Variants in LRRC7 observed in about 807,000 individuals in gnomAD.
LRRC7 encodes leucine-rich repeat-containing protein 7.
In LRRC7, 23 loss-of-function variants were observed where a neutral mutation model predicts 175.7. That is an observed-to-expected ratio of 0.13 (90% CI 0.09 to 0.19). LRRC7 has a LOEUF of 0.19. Among genes scored for constraint, LRRC7 ranks in the 10% least tolerant of loss-of-function variants. The pLI is 1.00. For missense variants in LRRC7, 1,354 were observed against 1,904.7 expected, an observed-to-expected ratio of 0.71 and a Z score of 5.38; for synonymous variants, 685 against 680.9, an observed-to-expected ratio of 1.01 and a Z score of -0.09.
intron 2 of LRRC7, among the ~76,000 whole-genome samples, chr1:69,712,726 T>A (rs1177302492): frequency 6.6e-6 from 1 of 152,220 alleles, no homozygotes; most frequent in Admixed American, 6.5e-5. Context: ...CACTAGTGAC[T>A]AAGTGCATTT....
intron 6 of LRRC7, among the ~76,000 whole-genome samples, chr1:69,835,453 TA>T (rs959664000): frequency 9.9e-5 from 15 of 151,670 alleles, no homozygotes; most frequent in East Asian, 3.9e-4. Flanking sequence ...GGGGAACACA[TA>T]AAAAAAGTCT....
At chr1:69,864,028 A>T (rs1213301481) in intron 7 of LRRC7, among the ~76,000 whole-genome samples, 1 of 152,002 alleles carries the variant, frequency 6.6e-6, no homozygotes, top group East Asian at 1.9e-4. Flanking sequence ...TCTGCCTGAT[A>T]CGTCTTTTTC....
intron 13 of LRRC7, among the ~76,000 whole-genome samples, chr1:70,013,336 T>C (rs923358473): frequency 6.6e-6 from 1 of 151,840 alleles, no homozygotes; most frequent in Admixed American, 6.6e-5. Flanking sequence ...CACACAAATT[T>C]ATATACAAAA....
At chr1:69,642,127 C>T (rs1311115740) in intron 1 of LRRC7, among the ~76,000 whole-genome samples, 4 of 151,648 alleles carry the variant, frequency 2.6e-5, no homozygotes, top group Non-Finnish European at 5.9e-5. Flanking sequence ...GTTTACAAGG[C>T]CTATTGCTAT....
In LRRC7 at chr1:69,891,983, A is replaced by G. The variant is rs956500398; in HGVS notation, c.648-39524A>G. Reference sequence around the variant, plus strand: ...CTGTATTCTCATCACAAAAAAAGAAAAAAAAAGTGAAGTGATGGGTATCTT... The same window carrying G: ...CTGTATTCTCATCACAAAAAAAGAAGAAAAAAGTGAAGTGATGGGTATCTT... On this transcript the variant is annotated intron_variant, in intron 7 of 26. Transcript: ENST00000651989. 9.0e-3 allele frequency among the ~76,000 whole-genome samples: 498 copies of G among 55,072 alleles called. 1 individual carries two copies. The highest frequency in any genetic ancestry group is 0.019 in the African/African-American group (449 of 23,554). The allele number at this position is 55,072 out of a possible 152,430, so 36.1% of individuals were successfully genotyped here.
chr1:69,693,370 A>G (rs1662144112), intron 2 of LRRC7, among the ~76,000 whole-genome samples: 1 of 152,202 alleles, frequency 6.6e-6, no homozygotes, highest in African/African-American at 2.4e-5. Context: ...TATAGAATGT[A>G]TGTGTATGTA....
At chr1:69,753,283 CGTGTGTGTGTGTAT>C (rs924433078) in intron 2 of LRRC7, among the ~76,000 whole-genome samples, 23 of 131,136 alleles carry the variant, frequency 1.8e-4, no homozygotes, top group African/African-American at 6.3e-4. Flanking sequence ...AAATCATTGT[CGTGTGTGTGTGTAT>C]GTGTGTGTGT....
At chr1:69,960,570 G>A (rs1379285878) in intron 8 of LRRC7, among the ~76,000 whole-genome samples, 4 of 150,532 alleles carry the variant, frequency 2.7e-5, no homozygotes, top group Admixed American at 2.6e-4. Context: ...TTCTGATGTT[G>A]GGTTGTTAAA....
At chr1:69,634,859 A>C (rs1653074654) in intron 1 of LRRC7, among the ~76,000 whole-genome samples, 2 of 152,156 alleles carry the variant, frequency 1.3e-5, no homozygotes, top group Non-Finnish European at 1.5e-5. Context: ...ACTGAAGCAC[A>C]CATAAAAGAA....
At chr1:70,108,558 G>A (rs2102215592) in intron 26 of LRRC7, among the ~76,000 whole-genome samples, 1 of 152,076 alleles carries the variant, frequency 6.6e-6, no homozygotes, top group Admixed American at 6.5e-5. Context: ...TACATTCCAA[G>A]GAAAAGCTCT....
intron 1 of LRRC7, among the ~76,000 whole-genome samples, chr1:69,648,273 G>A (rs891613582): frequency 2.6e-5 from 4 of 151,976 alleles, no homozygotes; most frequent in Non-Finnish European, 4.4e-5. Flanking sequence ...TTATTAATTT[G>A]TATGAAAATA....
chr1:69,727,446 A>T (rs1282710277), intron 2 of LRRC7, among the ~76,000 whole-genome samples: 2 of 152,208 alleles, frequency 1.3e-5, no homozygotes, highest in Admixed American at 1.3e-4. Context: ...TTCTTCTTAG[A>T]TAGCTACTTC....
At chr1:69,877,429 G>A (rs931753004) in intron 7 of LRRC7, among the ~76,000 whole-genome samples, 31 of 151,824 alleles carry the variant, frequency 2.0e-4, no homozygotes, top group Admixed American at 4.6e-4. Context: ...CTCCAGCCTG[G>A]GCAACAGAAC....
intron 23 of LRRC7, among the ~76,000 whole-genome samples, chr1:70,070,786 G>C (rs977083890): frequency 6.6e-6 from 1 of 152,156 alleles, no homozygotes; most frequent in Non-Finnish European, 1.5e-5. Flanking sequence ...GGATGATGGG[G>C]AAAGTCTTGA....
chr1:69,649,704 T>C (rs750705956), intron 1 of LRRC7, among the ~76,000 whole-genome samples: 23 of 152,146 alleles, frequency 1.5e-4, no homozygotes, highest in Admixed American at 8.5e-4. Context: ...TGCAATTCCA[T>C]GCAAAAGTAT....
At chr1:69,906,079 T>A (rs1646298834) in intron 7 of LRRC7, among the ~76,000 whole-genome samples, 1 of 152,248 alleles carries the variant, frequency 6.6e-6, no homozygotes, top group Admixed American at 6.5e-5. Context: ...TCTGTTCATA[T>A]CATTCACCCA....
Position 70,129,693 on chromosome 1 carries a change from G to A in LRRC7, c.*7806G>A, listed in dbSNP as rs79444981. On this transcript the variant is annotated 3_prime_UTR_variant, in exon 27 of 27. Coordinates refer to ENST00000651989, the MANE Select transcript of LRRC7 (RefSeq NM_001370785.2). ...AATCATTCAGCTGGCTGCATTTCAT[G>A]TTTATTTACTTCACTTTTTGGGTGG... Among the ~76,000 whole-genome samples the A allele has an allele frequency of 3.5e-3, 527 of 152,282 alleles. 6 individuals are homozygous for A. The highest frequency in any genetic ancestry group is 0.032 in the East Asian group (168 of 5,176).
chr1:69,982,140 A>G (rs753087235), intron 9 of LRRC7, among the ~76,000 whole-genome samples: 3 of 152,246 alleles, frequency 2.0e-5, no homozygotes, highest in East Asian at 1.9e-4. Flanking sequence ...AAATTTCTCA[A>G]TAAGTTTGTT....
chr1:69,648,800 C>T (rs1266232980), intron 1 of LRRC7, among the ~76,000 whole-genome samples: 2 of 152,128 alleles, frequency 1.3e-5, no homozygotes, highest in East Asian at 3.8e-4. Context: ...CTCTCTGTGA[C>T]AAATATTTGA....
Sources: allele counts gnomAD v4.1 joint callset (sites outside exome capture counted in the v4.1 genomes callset), GRCh38; gene constraint gnomAD v4.1.1; transcripts MANE v1.5; gene names NCBI Gene and HGNC (gene_info 2026-07-23, HGNC 2026-07-21).